SLC8A1: variants seen among roughly 807,000 people sequenced by gnomAD.
The protein encoded by SLC8A1 is sodium/calcium exchanger 1.
A neutral mutation model predicts 68.3 loss-of-function variants in SLC8A1; 18 were observed. The observed-to-expected ratio is 0.26, with a 90% CI of 0.18 to 0.39. The LOEUF (loss-of-function observed/expected upper bound fraction) is 0.39. SLC8A1 is among the 10% of genes least tolerant of loss of function. The pLI is 1.00. For synonymous variants in SLC8A1, 475 were observed against 415.5 expected (o/e 1.14, Z -1.74); for missense variants, 985 against 1,156.7 (o/e 0.85, Z 2.15).
At chr2:40,157,730 G>A (rs429602) in intron 6 of SLC8A1, among the ~76,000 whole-genome samples, 16,682 of 152,176 alleles carry the variant, frequency 0.11, 1,052 homozygotes, top group Admixed American at 0.18. Flanking sequence ...CGTGGTACTG[G>A]ACTTGCCTTG....
At chr2:40,260,224 C>G (rs931835689) in intron 2 of SLC8A1, among the ~76,000 whole-genome samples, 3 of 152,126 alleles carry the variant, frequency 2.0e-5, no homozygotes, top group African/African-American at 7.2e-5. Flanking sequence ...ATCTTCACAA[C>G]CTGTTCATTT....
intron 1 of SLC8A1, among the ~76,000 whole-genome samples, chr2:40,435,905 A>T (rs553422879): frequency 1.0e-4 from 15 of 150,464 alleles, no homozygotes; most frequent in Non-Finnish European, 2.1e-4. Flanking sequence ...CCTGCCAAGT[A>T]GCTGGGATTA....
intron 2 of SLC8A1, among the ~76,000 whole-genome samples, chr2:40,188,071 A>G (rs2148629367): frequency 6.6e-6 from 1 of 152,326 alleles, no homozygotes; most frequent in Middle Eastern, 3.4e-3. Context: ...ATAGGGTACC[A>G]TGTTGAAATA....
At chr2:40,227,990 A>G (rs1025277621) in intron 2 of SLC8A1, among the ~76,000 whole-genome samples, 2 of 152,306 alleles carry the variant, frequency 1.3e-5, no homozygotes, top group Admixed American at 1.3e-4. Flanking sequence ...CTGATGAATG[A>G]ATACCCACAA....
At chr2:40,447,941 T>A (rs1334930387) in intron 1 of SLC8A1, among the ~76,000 whole-genome samples, 2 of 152,214 alleles carry the variant, frequency 1.3e-5, no homozygotes, top group Non-Finnish European at 2.9e-5. Context: ...AAGGTGGAAA[T>A]GTGATTCACT....
chr2:40,406,729 A>G (rs947402743), intron 2 of SLC8A1, among the ~76,000 whole-genome samples: 2 of 152,162 alleles, frequency 1.3e-5, no homozygotes, highest in South Asian at 2.1e-4. Context: ...ATGGTCCTGC[A>G]TTTCGATCTA....
intron 1 of SLC8A1, among the ~76,000 whole-genome samples, chr2:40,460,625 G>A (rs1015763067): frequency 6.6e-6 from 1 of 151,234 alleles, no homozygotes; most frequent in African/African-American, 2.4e-5. Context: ...TGTTGCCCAG[G>A]CTGGAATGCA....
At chr2:40,159,362 G>A (rs2045245583) in intron 6 of SLC8A1, among the ~76,000 whole-genome samples, 1 of 152,190 alleles carries the variant, frequency 6.6e-6, no homozygotes, top group Non-Finnish European at 1.5e-5. Flanking sequence ...ATGATGGCCA[G>A]CTTATGGTTG....
chr2:40,354,044 T>A (rs1469241032), intron 2 of SLC8A1, among the ~76,000 whole-genome samples: 1 of 152,214 alleles, frequency 6.6e-6, no homozygotes, highest in Non-Finnish European at 1.5e-5. Flanking sequence ...GATGTTTTTA[T>A]AGGAAAGAGC....
chr2:40,408,439 C>G (rs535791875), intron 2 of SLC8A1, among the ~76,000 whole-genome samples: 5 of 152,304 alleles, frequency 3.3e-5, no homozygotes, highest in African/African-American at 1.2e-4. Flanking sequence ...AAGAGATTCT[C>G]TCCTGTTTCA....
At chr2:40,304,268 T>C (rs1311496884) in intron 2 of SLC8A1, among the ~76,000 whole-genome samples, 1 of 152,206 alleles carries the variant, frequency 6.6e-6, no homozygotes, top group East Asian at 1.9e-4. Flanking sequence ...ATTAGAGTTT[T>C]AGTCCACTTG....
At position 40,198,760 on chromosome 2, in the gene SLC8A1, C is replaced by G. The variant is rs115855476; in HGVS notation, c.1809-20905G>C. On this transcript the variant is annotated intron_variant, in intron 2 of 7. Coordinates refer to ENST00000406785, the Ensembl canonical transcript of SLC8A1. ...GTAGGTTCCCTCTTTAAGGCACTAA[C>G]TACTCTGGAGAGTGACTCCAAAATG... is the stretch of plus-strand genomic sequence containing the variant. Among the ~76,000 whole-genome samples, 430 of 151,966 alleles carry G rather than the reference C, an allele frequency of 2.8e-3. 3 individuals are homozygous for G. Among genetic ancestry groups the G allele is most frequent in the Non-Finnish European group, 4.2e-3 (282 of 67,876 alleles).
intron 2 of SLC8A1, among the ~76,000 whole-genome samples, chr2:40,419,725 T>C (rs754065510): frequency 3.3e-4 from 50 of 152,308 alleles, no homozygotes; most frequent in Middle Eastern, 6.8e-3. Flanking sequence ...TTTCTTTAAT[T>C]GCGCCCTAAG....
chr2:40,172,694 G>A (rs2047712701), intron 4 of SLC8A1, among the ~76,000 whole-genome samples: 1 of 152,146 alleles, frequency 6.6e-6, no homozygotes, highest in East Asian at 1.9e-4. Context: ...TGTAATCCCA[G>A]CACTTTGGGA....
At chr2:40,356,032 T>C (rs1672557452) in intron 2 of SLC8A1, among the ~76,000 whole-genome samples, 1 of 152,062 alleles carries the variant, frequency 6.6e-6, no homozygotes, top group African/African-American at 2.4e-5. Flanking sequence ...ACGCACATGC[T>C]GTTCTTTCTG....
At chr2:40,362,779 A>T (rs1674979267) in intron 2 of SLC8A1, among the ~76,000 whole-genome samples, 1 of 152,190 alleles carries the variant, frequency 6.6e-6, no homozygotes. Flanking sequence ...TTTAGTACAA[A>T]TTAAAACATT....
At chr2:40,382,131 T>C (rs1416380616) in intron 2 of SLC8A1, among the ~76,000 whole-genome samples, 1 of 152,120 alleles carries the variant, frequency 6.6e-6, no homozygotes, top group Non-Finnish European at 1.5e-5. Context: ...AGCACTAATA[T>C]TGTAATTAGT....
chr2:40,189,922 A>G (rs1393995446), intron 2 of SLC8A1: 1 of 152,040 alleles, frequency 6.6e-6, no homozygotes, highest in African/African-American at 2.4e-5. Flanking sequence ...ATTGGCTTGT[A>G]TGGAAGTTCT....
chr2:40,487,545 A>G (rs1323250484), intron 1 of SLC8A1, among the ~76,000 whole-genome samples: 2 of 152,156 alleles, frequency 1.3e-5, no homozygotes, highest in Non-Finnish European at 2.9e-5. Flanking sequence ...GGCATATAAA[A>G]CCTTTACTAA....
Sources: allele counts gnomAD v4.1 joint callset (sites outside exome capture counted in the v4.1 genomes callset), GRCh38; gene constraint gnomAD v4.1.1; transcripts MANE v1.5; gene names NCBI Gene and HGNC (gene_info 2026-07-23, HGNC 2026-07-21).